TNR: variants seen among roughly 807,000 people sequenced by gnomAD.
TNR encodes the protein tenascin-R.
Under a neutral mutation model 150.4 loss-of-function variants are expected in TNR, and 45 were observed. The ratio of observed to expected loss-of-function variants is 0.30; its 90% CI spans 0.24 to 0.38. The LOEUF is 0.38. Ranked by LOEUF, TNR falls within the 10% of genes least tolerant of loss-of-function variation. TNR has a pLI of 1.00. For missense variants in TNR, 1,544 were observed against 1,759.1 expected, an observed-to-expected ratio of 0.88 and a Z score of 2.19; for synonymous variants, 687 against 678.4, an observed-to-expected ratio of 1.01 and a Z score of -0.20.
intron 1 of TNR, among the ~76,000 whole-genome samples, chr1:175,586,836 T>C (rs540960886): frequency 2.8e-4 from 43 of 152,256 alleles, no homozygotes; most frequent in African/African-American, 9.6e-4. Context: ...GCTGAAACAA[T>C]GTGAAGTCAT....
intron 9 of TNR, among the ~76,000 whole-genome samples, chr1:175,372,331 C>G (rs1002429311): frequency 6.6e-6 from 1 of 152,174 alleles, no homozygotes; most frequent in Non-Finnish European, 1.5e-5. Context: ...AGGCTGCTAA[C>G]TAAGAGGACA....
rs201282648 is a variant in TNR at position 175,569,299 on chromosome 1, CT to C, written c.-164-40931del. Among the ~76,000 whole-genome samples the C allele has an allele frequency of 7.8e-3, 1,193 of 152,328 alleles. 14 individuals are homozygous for C. Among genetic ancestry groups the C allele is most frequent in the African/African-American group, 0.027 (1,131 of 41,558 alleles). ...AGAGTGCTCTCCACTAGCCCTCCTT[CT>C]TCCCCACCCCTTCAGTCTGACCAGC... On this transcript the variant is annotated intron_variant, in intron 1 of 22. Coordinates refer to ENST00000367674, the MANE Select transcript of TNR (RefSeq NM_003285.3).
chr1:175,355,298 G>C (rs1651268940), intron 17 of TNR, among the ~76,000 whole-genome samples: 1 of 152,156 alleles, frequency 6.6e-6, no homozygotes, highest in African/African-American at 2.4e-5. Flanking sequence ...AGTAGAGCTA[G>C]GACTATCATC....
intron 1 of TNR, among the ~76,000 whole-genome samples, chr1:175,535,408 T>C (rs1660234376): frequency 6.6e-6 from 1 of 152,180 alleles, no homozygotes; most frequent in African/African-American, 2.4e-5. Context: ...TGTCTTTTTC[T>C]GCTTTATCTG....
chr1:175,651,297 A>G (rs1251738590), intron 1 of TNR, among the ~76,000 whole-genome samples: 1 of 150,978 alleles, frequency 6.6e-6, no homozygotes, highest in Non-Finnish European at 1.5e-5. Flanking sequence ...AGCTATGGGA[A>G]GAGAGCCTGG....
Position 175,331,078 on chromosome 1 carries a change from C to CTTCTTTCTTTCT in TNR, c.3632-855_3632-844dup, listed in dbSNP as rs1434211485. On this transcript the variant is annotated intron_variant, in intron 20 of 22. Coordinates refer to ENST00000367674, the MANE Select transcript of TNR (RefSeq NM_003285.3). ...CTTTCTTTCTTTCTTTCTTTCTTTC[C>CTTCTTTCTTTCT]TTCTTTCTTTCTTTCTTTCTTTCTC... is the stretch of plus-strand genomic sequence containing the variant. Among the ~76,000 whole-genome samples, 32 of 59,916 alleles carry CTTCTTTCTTTCT rather than the reference C, an allele frequency of 5.3e-4. 2 individuals carry two copies. Among genetic ancestry groups the CTTCTTTCTTTCT allele is most frequent in the African/African-American group, 2.0e-3 (31 of 15,816 alleles). The allele number at this position is 59,916 out of a possible 152,430, so 39.3% of individuals were successfully genotyped here. A position where few individuals can be genotyped will look rare whatever the true frequency, so the allele number is the denominator to read the frequency against.
chr1:175,449,014 C>G (rs1656189909), intron 2 of TNR, among the ~76,000 whole-genome samples: 1 of 152,226 alleles, frequency 6.6e-6, no homozygotes, highest in Non-Finnish European at 1.5e-5. Flanking sequence ...GTCCTGGCAT[C>G]TGACCCAAGT....
chr1:175,461,377 A>T (rs778914554), intron 2 of TNR, among the ~76,000 whole-genome samples: 2 of 152,162 alleles, frequency 1.3e-5, no homozygotes, highest in Non-Finnish European at 2.9e-5. Context: ...CCCCTGGCTC[A>T]CCTTTAGATT....
intron 1 of TNR, among the ~76,000 whole-genome samples, chr1:175,639,234 C>CATCT (rs1039452144): frequency 6.6e-6 from 1 of 152,142 alleles, no homozygotes; most frequent in African/African-American, 2.4e-5. Flanking sequence ...TCAAACAGAT[C>CATCT]ATCTGGAGGC....
intron 2 of TNR, among the ~76,000 whole-genome samples, chr1:175,417,076 A>ATC (rs1557920396): frequency 6.3e-4 from 72 of 113,780 alleles, no homozygotes; most frequent in African/African-American, 1.9e-3. Context: ...AGAAAGAAAG[A>ATC]AATCTAAGAA....
rs558869894 is a variant in TNR at position 175,621,878 on chromosome 1, A to G, written c.-164-93509T>C. On this transcript the variant is annotated intron_variant, in intron 1 of 22. Transcript: ENST00000367674. ...AAGGATTTGTATCGCACAAAGGTTA[A>G]GGGTATGGCCCTAGATTGAGCCTAC... Among the ~76,000 whole-genome samples the G allele has an allele frequency of 4.4e-4, 67 of 152,356 alleles. 2 individuals carry two copies. In the South Asian group the frequency reaches 0.011, roughly 25 times the overall value.
At chr1:175,323,936 G>A (rs1381150856) in intron 22 of TNR, among the ~76,000 whole-genome samples, 8 of 152,218 alleles carry the variant, frequency 5.3e-5, no homozygotes, top group Non-Finnish European at 1.0e-4. Context: ...CACTTAGAAA[G>A]TCTAGTTGGT....
chr1:175,699,672 G>C (rs60509636), intron 1 of TNR, among the ~76,000 whole-genome samples: 2 of 152,130 alleles, frequency 1.3e-5, no homozygotes, highest in Non-Finnish European at 2.9e-5. Context: ...ATACAGAGGA[G>C]TAAGCTGGGT....
chr1:175,573,875 C>T (rs899296227), intron 1 of TNR, among the ~76,000 whole-genome samples: 1 of 152,168 alleles, frequency 6.6e-6, no homozygotes, highest in Admixed American at 6.5e-5. Flanking sequence ...AATGGCAGCC[C>T]TTGGTCAGAG....
At chr1:175,406,943 C>T (rs1557914217) in intron 2 of TNR, among the ~76,000 whole-genome samples, 166 bp from the exon 3 acceptor site, 1 of 152,164 alleles carries the variant, frequency 6.6e-6, no homozygotes. Flanking sequence ...GGACTTTGTT[C>T]CTTAAAGGAC....
chr1:175,718,004 A>C (rs1233609981), intron 1 of TNR, among the ~76,000 whole-genome samples: 2 of 152,224 alleles, frequency 1.3e-5, no homozygotes, highest in African/African-American at 4.8e-5. Context: ...TTAGTAACAC[A>C]TGGCAGAGGT....
chr1:175,474,119 T>C (rs923178622), intron 2 of TNR, among the ~76,000 whole-genome samples: 2 of 152,116 alleles, frequency 1.3e-5, no homozygotes, highest in Non-Finnish European at 2.9e-5. Context: ...AGATGTGTCT[T>C]TGGGAGGAAG....
chr1:175,408,984 T>C (rs1654082663), intron 2 of TNR, among the ~76,000 whole-genome samples: 1 of 152,142 alleles, frequency 6.6e-6, no homozygotes, highest in South Asian at 2.1e-4. Context: ...ACAAGGTAAA[T>C]AAACCTTGGG....
intron 1 of TNR, among the ~76,000 whole-genome samples, chr1:175,641,726 A>C (rs780586789): frequency 1.3e-5 from 2 of 152,182 alleles, no homozygotes; most frequent in Non-Finnish European, 2.9e-5. Flanking sequence ...TCAAGTTACA[A>C]ATGGGCTTGG....
Sources: allele counts gnomAD v4.1 joint callset (sites outside exome capture counted in the v4.1 genomes callset), GRCh38; gene constraint gnomAD v4.1.1; transcripts MANE v1.5; gene names NCBI Gene and HGNC (gene_info 2026-07-23, HGNC 2026-07-21).